MACROD2: variants seen among roughly 807,000 people sequenced by gnomAD.
The protein encoded by MACROD2 is mono-ADP ribosylhydrolase 2.
In MACROD2, 36 loss-of-function variants were observed where a neutral mutation model predicts 70.4. The observed-to-expected ratio is 0.51, with a 90% CI of 0.39 to 0.68. MACROD2 has a LOEUF of 0.68. Ranked by LOEUF, MACROD2 falls within the 30% of genes least tolerant of loss-of-function variation. The pLI is 0.00. For missense variants in MACROD2, 496 were observed against 538.4 expected, an observed-to-expected ratio of 0.92 and a Z score of 0.78; for synonymous variants, 172 against 178.8, an observed-to-expected ratio of 0.96 and a Z score of 0.30.
intron 3 of MACROD2, among the ~76,000 whole-genome samples, chr20:14,197,245 C>G (rs574713785): frequency 6.6e-6 from 1 of 152,248 alleles, no homozygotes; most frequent in South Asian, 2.1e-4. Context: ...TAAGCATAAA[C>G]TAACAGGAGC....
At position 14,326,760 on chromosome 20, in the gene MACROD2, C is replaced by T. The variant is rs2122578584; in HGVS notation, c.272-166719C>T. The stretch of plus-strand genomic sequence containing the variant: ...GGTTATCTTGAAGATAAAGCTTCCT[C>T]AGGTTTGTGCCTGGAAGGTTTACTG... On this transcript the variant is annotated intron_variant, in intron 3 of 17. Coordinates refer to ENST00000684519, the MANE Select transcript of MACROD2 (RefSeq NM_001351661.2). The surrounding 1 kb of genome is among the most constrained non-coding windows in gnomAD (Gnocchi z 5.5). The T allele has an allele frequency of 6.2e-7, 1 of 1,613,772 alleles. No individual in the cohort carries two copies. The highest frequency in any genetic ancestry group is 8.5e-7 in the Non-Finnish European group (1 of 1,179,816).
intron 3 of MACROD2, among the ~76,000 whole-genome samples, chr20:14,273,694 A>T (rs2082220970): frequency 6.6e-6 from 1 of 152,068 alleles, no homozygotes. Flanking sequence ...CAAAAAATTA[A>T]TGAATTCAGG....
At chr20:14,607,362 A>G (rs1219338810) in intron 4 of MACROD2, among the ~76,000 whole-genome samples, 3 of 152,180 alleles carry the variant, frequency 2.0e-5, no homozygotes, top group African/African-American at 7.2e-5. Context: ...CTAAAACACA[A>G]TTGGCCCTAA....
chr20:15,162,744 A>G (rs6043118), intron 5 of MACROD2, among the ~76,000 whole-genome samples: 3,502 of 152,254 alleles, frequency 0.023, 134 homozygotes, highest in African/African-American at 0.08. Context: ...AAGAGCAAGA[A>G]TAAAATAGCA....
intron 3 of MACROD2, among the ~76,000 whole-genome samples, chr20:14,288,521 C>T (rs1331921220): frequency 6.6e-6 from 1 of 152,192 alleles, no homozygotes; most frequent in Non-Finnish European, 1.5e-5. Flanking sequence ...GTGTCTTATC[C>T]TGGTCCTGCC....
chr20:14,398,083 T>C (rs1288884235), intron 3 of MACROD2, among the ~76,000 whole-genome samples: 2 of 152,124 alleles, frequency 1.3e-5, no homozygotes, highest in Non-Finnish European at 2.9e-5. Flanking sequence ...AAATAGTATT[T>C]TATTATACTT....
chr20:14,346,712 A>C (rs1400553469), intron 3 of MACROD2, among the ~76,000 whole-genome samples: 1 of 152,198 alleles, frequency 6.6e-6, no homozygotes, highest in Non-Finnish European at 1.5e-5. Context: ...GAGAGTGTTT[A>C]GTAGAAACTC....
intron 5 of MACROD2, among the ~76,000 whole-genome samples, chr20:14,778,868 C>T (rs2072265727): frequency 6.6e-6 from 1 of 152,018 alleles, no homozygotes; most frequent in Admixed American, 6.6e-5. Flanking sequence ...TTCCAAACAC[C>T]TCATTTAATG....
chr20:14,137,908 C>G (rs1048304398), intron 3 of MACROD2, among the ~76,000 whole-genome samples: 3 of 151,936 alleles, frequency 2.0e-5, no homozygotes, highest in African/African-American at 7.3e-5. Context: ...AAATAAGAAA[C>G]CTGTACAACT....
At chr20:14,171,614 G>A (rs937257404) in intron 3 of MACROD2, among the ~76,000 whole-genome samples, 2 of 152,164 alleles carry the variant, frequency 1.3e-5, no homozygotes, top group Non-Finnish European at 2.9e-5. Context: ...TCATTCAGGA[G>A]CAGGTTATTT....
chr20:14,446,013 T>G (rs2084178005), intron 3 of MACROD2, among the ~76,000 whole-genome samples: 1 of 152,096 alleles, frequency 6.6e-6, no homozygotes, highest in Non-Finnish European at 1.5e-5. Flanking sequence ...CATCCACTAC[T>G]ATTTTACTGT....
chr20:14,723,721 A>G (rs965269455), intron 5 of MACROD2, among the ~76,000 whole-genome samples: 1 of 151,752 alleles, frequency 6.6e-6, no homozygotes, highest in Non-Finnish European at 1.5e-5. Flanking sequence ...ATTTGGTGCT[A>G]TTCGGCTTTT....
At chr20:15,871,801 T>TGAG (rs757681745) in intron 9 of MACROD2, among the ~76,000 whole-genome samples, 1 of 152,164 alleles carries the variant, frequency 6.6e-6, no homozygotes, top group Non-Finnish European at 1.5e-5. Context: ...AAGCCCTGAC[T>TGAG]GAGAAATTTT....
At chr20:14,585,858 C>A (rs551255131) in intron 4 of MACROD2, among the ~76,000 whole-genome samples, 3 of 152,114 alleles carry the variant, frequency 2.0e-5, no homozygotes, top group African/African-American at 4.8e-5. Flanking sequence ...GTGAGATATT[C>A]AAGGTGTGTA....
chr20:14,703,416 C>A (rs896071254), intron 5 of MACROD2, among the ~76,000 whole-genome samples: 8 of 152,098 alleles, frequency 5.3e-5, no homozygotes, highest in Admixed American at 2.0e-4. Flanking sequence ...AACAGATAGC[C>A]CAAGTCCATA....
intron 8 of MACROD2, among the ~76,000 whole-genome samples, chr20:15,518,229 G>A (rs2047597505): frequency 1.3e-5 from 2 of 152,216 alleles, no homozygotes; most frequent in South Asian, 4.1e-4. Flanking sequence ...TACTTCTCGA[G>A]GTCAGATTCA....
intron 7 of MACROD2, among the ~76,000 whole-genome samples, chr20:15,482,599 G>A (rs79306430): frequency 0.049 from 7,502 of 152,254 alleles, 280 homozygotes; most frequent in Non-Finnish European, 0.07. Context: ...TGAGATTGCT[G>A]GGTAGTGTGA....
At chr20:15,151,137 C>A (rs977985812) in intron 5 of MACROD2, among the ~76,000 whole-genome samples, 2 of 152,058 alleles carry the variant, frequency 1.3e-5, no homozygotes, top group Admixed American at 6.5e-5. Flanking sequence ...AGTCAGAGAG[C>A]CTTGGGCCAG....
chr20:14,120,430 T>C (rs1051460346), intron 3 of MACROD2, among the ~76,000 whole-genome samples: 1 of 151,796 alleles, frequency 6.6e-6, no homozygotes, highest in African/African-American at 2.4e-5. Context: ...AGTGGGAATG[T>C]AAATTAGTTC....
Sources: gnomAD v4.1 joint callset for allele counts (sites outside exome capture counted in the v4.1 genomes callset) on GRCh38, gnomAD v4.1.1 for gene constraint, Gnocchi (gnomAD v3.1) non-coding constraint, MANE v1.5 for transcripts, NCBI Gene and HGNC (gene_info 2026-07-23, HGNC 2026-07-21) for gene names.